The following FAM184B variants were observed in gnomAD, a reference collection of about 807,000 sequenced individuals.
The protein encoded by FAM184B is protein FAM184B.
FAM184B carries 111 observed loss-of-function variants against 135.9 expected under a neutral mutation model. That is an observed-to-expected ratio of 0.82 (90% CI 0.70 to 0.96). The LOEUF (loss-of-function observed/expected upper bound fraction) is 0.96, where lower values mean the gene tolerates loss of function less well. Among genes scored for constraint, FAM184B ranks in the 40% least tolerant of loss-of-function variants. The pLI is 0.00. For synonymous variants in FAM184B, 552 were observed against 524.8 expected (o/e 1.05, Z -0.71); for missense variants, 1,375 against 1,323.9 (o/e 1.04, Z -0.60).
chr4:17,742,907 G>T (rs1021901112), intron 1 of FAM184B, among the ~76,000 whole-genome samples: 4 of 152,240 alleles, frequency 2.6e-5, no homozygotes, highest in African/African-American at 9.6e-5. Flanking sequence ...CACTGAGCTG[G>T]TTGGCACTTG....
intron 5 of FAM184B, among the ~76,000 whole-genome samples, chr4:17,697,416 AC>A (rs35466914): frequency 0.25 from 38,367 of 151,998 alleles, 5,323 homozygotes; most frequent in East Asian, 0.52. Flanking sequence ...AGAAAAAAAA[AC>A]CCTGGATATT....
intron 1 of FAM184B, among the ~76,000 whole-genome samples, chr4:17,746,744 AAG>A: frequency 6.7e-6 from 1 of 148,696 alleles, no homozygotes; most frequent in African/African-American, 2.5e-5. Flanking sequence ...AAAAAAAAAA[AAG>A]TAGATTCCTG....
At position 17,639,211 on chromosome 4, in the gene FAM184B, A is replaced by G. The variant is rs1373788778; in HGVS notation, c.2666+39T>C. 2.6e-6 allele frequency: 4 copies of G among 1,547,688 alleles called. No homozygotes were observed. In the African/African-American group the frequency reaches 4.1e-5, roughly 16 times the overall value. ...AGTTGGCCACCCTACTGAATGGTACATTTGCAAGACCCTCCCTGGGGCCCG... is the reference window on the plus strand; with the variant it reads ...AGTTGGCCACCCTACTGAATGGTACGTTTGCAAGACCCTCCCTGGGGCCCG... On this transcript the variant is annotated intron_variant, in intron 14 of 17. Transcript: ENST00000265018.
chr4:17,732,469 A>C (rs1429166195), intron 1 of FAM184B, among the ~76,000 whole-genome samples: 2 of 152,174 alleles, frequency 1.3e-5, no homozygotes, highest in Non-Finnish European at 2.9e-5. Flanking sequence ...AAGAGAGAAG[A>C]ATCAAATAGA....
rs187577352 is a variant in FAM184B, at chr4:17,634,441, G to A, written c.2890-553C>T. On this transcript the variant is annotated intron_variant, in intron 16 of 17. Coordinates refer to ENST00000265018, the MANE Select transcript of FAM184B (RefSeq NM_015688.2). ...TGGGTTCAAGTGATTCTCCTACCTC[G>A]GCCTCCTGAGTAGCTGGGATTACAG... 6.7e-3 allele frequency among the ~76,000 whole-genome samples: 1,022 copies of A among 152,030 alleles called. 8 individuals are homozygous for A. The highest frequency in any genetic ancestry group is 0.018 in the Admixed American group (270 of 15,252).
intron 6 of FAM184B, among the ~76,000 whole-genome samples, chr4:17,689,614 C>T (rs1296634208): frequency 2.0e-5 from 3 of 152,106 alleles, no homozygotes; most frequent in South Asian, 2.1e-4. Flanking sequence ...TGCTCTGTGC[C>T]ACCCAGGAAT....
At chr4:17,655,164 A>G (rs147053019) in intron 10 of FAM184B, among the ~76,000 whole-genome samples, 1 of 152,194 alleles carries the variant, frequency 6.6e-6, no homozygotes, top group Non-Finnish European at 1.5e-5. Flanking sequence ...ATTTAATAAA[A>G]CAGAAAAGGC....
chr4:17,688,632 G>T, intron 6 of FAM184B, 101 bp from the exon 7 acceptor site: 1 of 775,846 alleles, frequency 1.3e-6, no homozygotes, highest in East Asian at 3.0e-5. Context: ...AGTCTGTTCT[G>T]GGGAGAGTGC....
At chr4:17,651,359 A>G (rs1715609618) in intron 11 of FAM184B, among the ~76,000 whole-genome samples, 2 of 151,886 alleles carry the variant, frequency 1.3e-5, no homozygotes, top group African/African-American at 4.8e-5. Flanking sequence ...AACACGGTGA[A>G]ACCTCGTCTC....
intron 10 of FAM184B, among the ~76,000 whole-genome samples, chr4:17,657,652 G>GTTTT (rs1577249727): frequency 1.2e-5 from 1 of 86,060 alleles, no homozygotes; most frequent in Non-Finnish European, 2.3e-5. Flanking sequence ...TGGCTGAGCT[G>GTTTT]TTCTTTTTTT....
intron 7 of FAM184B, among the ~76,000 whole-genome samples, chr4:17,687,937 C>T (rs1034550748): frequency 3.7e-4 from 56 of 152,132 alleles, no homozygotes; most frequent in African/African-American, 1.3e-3. Context: ...TCCAACCCAC[C>T]GTGAGCCAGA....
intron 13 of FAM184B, among the ~76,000 whole-genome samples, chr4:17,639,998 T>C (rs1000862624): frequency 6.6e-6 from 1 of 151,554 alleles, no homozygotes; most frequent in African/African-American, 2.4e-5. Context: ...CCAGCCAATT[T>C]TTTGTATTTT....
rs1455453639 is a variant in FAM184B, at chr4:17,691,388, T to TA, written c.1488+1913dup. The stretch of plus-strand genomic sequence containing the variant: ...CCACAAAGCTAGCCATTATTGTTTT[T>TA]AAAAAAAGAGCTCTGGGCTGGGCAC... On this transcript the variant is annotated intron_variant, in intron 6 of 17. Transcript: ENST00000265018. Among the ~76,000 whole-genome samples the TA allele has an allele frequency of 4.6e-5, 7 of 152,080 alleles. No individual in the cohort carries two copies. In the South Asian group the frequency reaches 8.3e-4, roughly 18 times the overall value.
In FAM184B at chr4:17,633,875, T is replaced by A; in HGVS notation, c.2903A>T (p.Glu968Val). The A allele has an allele frequency of 6.5e-7, 1 of 1,548,550 alleles. No individual in the cohort carries two copies. The highest frequency in any genetic ancestry group is 8.7e-7 in the Non-Finnish European group (1 of 1,145,538). The change falls in exon 17 of 18, where the codon GAG becomes GTG. Residue 968 changes from glutamate (E) to valine (V), a missense_variant. Physicochemically the swap from Glu to Val is moderately radical, Grantham distance 121 (BLOSUM62 -2). Transcript: ENST00000265018. Reference protein sequence around the residue: ...LTPSMKKKKVEDVPSRVVSVP... With the variant: ...LTPSMKKKKVVDVPSRVVSVP... ...GCTGACCACGCGGCTGGGCACGTCC[T>A]CCACCTTCTTTTTCTGTTTGTATTA...
chr4:17,724,167 G>A (rs1466878306), intron 1 of FAM184B, among the ~76,000 whole-genome samples: 3 of 151,800 alleles, frequency 2.0e-5, no homozygotes, highest in African/African-American at 7.3e-5. Context: ...ACATGCATAT[G>A]TATCGACAAA....
intron 1 of FAM184B, among the ~76,000 whole-genome samples, chr4:17,773,401 A>G (rs1351060663): frequency 6.6e-6 from 1 of 152,200 alleles, no homozygotes; most frequent in Admixed American, 6.5e-5. Flanking sequence ...AGAAGGCCCC[A>G]TGAGGTTATT....
chr4:17,641,461 C>CTTT (rs71167316), intron 13 of FAM184B, among the ~76,000 whole-genome samples: 612 of 45,698 alleles, frequency 0.013, 133 homozygotes, highest in Middle Eastern at 0.045. Context: ...AGGACTCCCT[C>CTTT]TTTTTTTTTT....
chr4:17,673,672 C>T (rs1228787215), intron 7 of FAM184B, among the ~76,000 whole-genome samples: 1 of 152,066 alleles, frequency 6.6e-6, no homozygotes, highest in Non-Finnish European at 1.5e-5. Context: ...AATTGGAAAA[C>T]CAAACATCAT....
chr4:17,702,120 T>C (rs1577267197), intron 5 of FAM184B, among the ~76,000 whole-genome samples: 1 of 152,088 alleles, frequency 6.6e-6, no homozygotes, highest in Non-Finnish European at 1.5e-5. Context: ...TGTTTTGCAA[T>C]AGATTTGGGA....
Sources: gnomAD v4.1 joint callset for allele counts (sites outside exome capture counted in the v4.1 genomes callset) on GRCh38, gnomAD v4.1.1 for gene constraint, MANE v1.5 for transcripts, NCBI Gene and HGNC (gene_info 2026-07-23, HGNC 2026-07-21) for gene names.